The following TNR variants were observed in gnomAD, a reference collection of about 807,000 sequenced individuals.
TNR encodes the protein tenascin-R.
In TNR, 45 loss-of-function variants were observed where a neutral mutation model predicts 150.4. The ratio of observed to expected loss-of-function variants is 0.30; its 90% CI spans 0.24 to 0.38. TNR has a LOEUF of 0.38. Among genes scored for constraint, TNR ranks in the 10% least tolerant of loss-of-function variants. The pLI, the probability that TNR is intolerant of heterozygous loss-of-function variation, is 1.00. For synonymous variants in TNR, 687 were observed against 678.4 expected (o/e 1.01, Z -0.20); for missense variants, 1,544 against 1,759.1 (o/e 0.88, Z 2.19).
Position 175,528,631 on chromosome 1 carries a change from A to G in TNR, c.-164-262T>C, listed in dbSNP as rs185178769. ...TTGAGGTAAACAAATCTATGGAATG[A>G]TTATAAATCCAGAAATGTGCTTTAG... On this transcript the variant is annotated intron_variant, in intron 1 of 22. Transcript: ENST00000367674. Among the ~76,000 whole-genome samples the G allele has an allele frequency of 3.6e-3, 555 of 152,336 alleles. 2 individuals carry two copies. Among genetic ancestry groups the G allele is most frequent in the Non-Finnish European group, 6.4e-3 (433 of 68,036 alleles).
chr1:175,416,175 GACACACAT>G (rs1654439062), intron 2 of TNR, among the ~76,000 whole-genome samples: 1 of 151,434 alleles, frequency 6.6e-6, no homozygotes, highest in South Asian at 2.1e-4. Flanking sequence ...CAAACACACA[GACACACAT>G]ACACACATAA....
At chr1:175,522,676 G>A (rs1659687686) in intron 2 of TNR, among the ~76,000 whole-genome samples, 1 of 152,190 alleles carries the variant, frequency 6.6e-6, no homozygotes, top group African/African-American at 2.4e-5. Flanking sequence ...CATTTGGTTT[G>A]GCATGAGACA....
chr1:175,652,369 T>C (rs1474290888), intron 1 of TNR, among the ~76,000 whole-genome samples: 1 of 151,840 alleles, frequency 6.6e-6, no homozygotes, highest in African/African-American at 2.4e-5. Flanking sequence ...CAGACAAAAT[T>C]CACAGGTAGG....
In TNR at chr1:175,460,097, C is replaced by G. The variant is rs534303153; in HGVS notation, c.-63-53320G>C. Among the ~76,000 whole-genome samples the G allele has an allele frequency of 1.3e-3, 201 of 152,236 alleles. 1 individual carries two copies. Among genetic ancestry groups the G allele is most frequent in the Middle Eastern group, 3.4e-3 (1 of 294 alleles). ...AGACTGCTAACATTTGCTGTCATGT[C>G]AGAAAGGTTAATCTGGTTTTTCCCC... On this transcript the variant is annotated intron_variant, in intron 2 of 22. Coordinates refer to ENST00000367674, the MANE Select transcript of TNR (RefSeq NM_003285.3).
intron 2 of TNR, among the ~76,000 whole-genome samples, chr1:175,478,715 G>A (rs551661146): frequency 6.6e-6 from 1 of 152,308 alleles, no homozygotes; most frequent in South Asian, 2.1e-4. Context: ...CTGCCACTGA[G>A]GAAAAGGAGA....
At chr1:175,406,859 G>A in intron 2 of TNR, 82 bp from the exon 3 acceptor site, 1 of 1,055,510 alleles carries the variant, frequency 9.5e-7, no homozygotes, top group Non-Finnish European at 1.3e-6. Context: ...ACAAAGCTCA[G>A]GAGTAGGCAG....
intron 2 of TNR, among the ~76,000 whole-genome samples, chr1:175,524,888 G>A (rs1201222433): frequency 2.0e-5 from 3 of 152,170 alleles, no homozygotes; most frequent in Non-Finnish European, 4.4e-5. Flanking sequence ...GGCACAGAAT[G>A]CTTAATTTCC....
chr1:175,522,386 A>G (rs1226655250), intron 2 of TNR, among the ~76,000 whole-genome samples: 1 of 152,192 alleles, frequency 6.6e-6, no homozygotes, highest in Non-Finnish European at 1.5e-5. Context: ...GACACAATGG[A>G]CTTTGGACAC....
At chr1:175,327,341 C>A (rs190624390) in intron 21 of TNR, among the ~76,000 whole-genome samples, 1 of 152,306 alleles carries the variant, frequency 6.6e-6, no homozygotes, top group East Asian at 1.9e-4. Context: ...TCTCAAACCA[C>A]TGTTCAGATT....
At chr1:175,642,233 A>G (rs1664687576) in intron 1 of TNR, among the ~76,000 whole-genome samples, 1 of 152,244 alleles carries the variant, frequency 6.6e-6, no homozygotes, top group South Asian at 2.1e-4. Flanking sequence ...TGAAAAGTGT[A>G]TAGGCATTGT....
chr1:175,405,530 T>C (rs756724014), intron 3 of TNR, among the ~76,000 whole-genome samples: 1 of 151,952 alleles, frequency 6.6e-6, no homozygotes, highest in Non-Finnish European at 1.5e-5. Flanking sequence ...ATTTCAGCCT[T>C]TTGGAGGGTG....
At chr1:175,412,847 A>G (rs1654272114) in intron 2 of TNR, among the ~76,000 whole-genome samples, 1 of 152,168 alleles carries the variant, frequency 6.6e-6, no homozygotes, top group African/African-American at 2.4e-5. Context: ...TGTTTATTAA[A>G]TGCCTGCTTA....
chr1:175,729,592 C>T (rs547300542), intron 1 of TNR, among the ~76,000 whole-genome samples: 1 of 152,246 alleles, frequency 6.6e-6, no homozygotes, highest in Non-Finnish European at 1.5e-5. Context: ...CATGCCTAGT[C>T]TCTTCCTTCC....
intron 2 of TNR, among the ~76,000 whole-genome samples, chr1:175,414,440 A>C (rs1161581102): frequency 6.6e-6 from 1 of 152,218 alleles, no homozygotes; most frequent in Non-Finnish European, 1.5e-5. Flanking sequence ...TGTGAGCAAG[A>C]CAGATGGTTA....
intron 2 of TNR, among the ~76,000 whole-genome samples, chr1:175,502,643 C>T (rs958272583): frequency 6.6e-6 from 1 of 152,158 alleles, no homozygotes. Context: ...CTCTTGCATG[C>T]AATTCCTTGG....
intron 1 of TNR, among the ~76,000 whole-genome samples, chr1:175,712,213 C>T (rs1667037223): frequency 6.6e-6 from 1 of 152,166 alleles, no homozygotes; most frequent in Non-Finnish European, 1.5e-5. Flanking sequence ...ACAGATGAGG[C>T]ATCTTAGGCT....
At chr1:175,511,106 C>T (rs1659153467) in intron 2 of TNR, among the ~76,000 whole-genome samples, 1 of 152,316 alleles carries the variant, frequency 6.6e-6, no homozygotes, top group East Asian at 1.9e-4. Context: ...GAGTGTGGGC[C>T]TGTGGGACTC....
intron 1 of TNR, among the ~76,000 whole-genome samples, chr1:175,585,707 G>A (rs1662537224): frequency 6.6e-6 from 1 of 152,218 alleles, no homozygotes; most frequent in Non-Finnish European, 1.5e-5. Context: ...GGTGGTTCTT[G>A]AGTATCTTCA....
At chr1:175,429,283 GTAA>G (rs375943492) in intron 2 of TNR, among the ~76,000 whole-genome samples, 1 of 152,270 alleles carries the variant, frequency 6.6e-6, no homozygotes, top group East Asian at 1.9e-4. Flanking sequence ...AGATGTATAT[GTAA>G]ATATAGATTT....
Sources: allele counts gnomAD v4.1 joint callset (sites outside exome capture counted in the v4.1 genomes callset), GRCh38; gene constraint gnomAD v4.1.1; transcripts MANE v1.5; gene names NCBI Gene and HGNC (gene_info 2026-07-23, HGNC 2026-07-21).